The following MARCHF4 variants were observed in gnomAD, a reference collection of about 807,000 sequenced individuals.
The protein encoded by MARCHF4 is membrane associated ring-CH-type finger 4, also known as E3 ubiquitin-protein ligase MARCHF4.
In MARCHF4, 14 loss-of-function variants were observed where a neutral mutation model predicts 43.9. The observed-to-expected ratio is 0.32, with a 90% CI of 0.21 to 0.50. The LOEUF (loss-of-function observed/expected upper bound fraction) is 0.50. Among genes scored for constraint, MARCHF4 ranks in the 20% least tolerant of loss-of-function variants. MARCHF4 has a pLI of 0.98. For synonymous variants in MARCHF4, 226 were observed against 213.3 expected, an observed-to-expected ratio of 1.06 and a Z score of -0.52; for missense variants, 468 against 536.7, an observed-to-expected ratio of 0.87 and a Z score of 1.27.
intron 1 of MARCHF4, among the ~76,000 whole-genome samples, chr2:216,367,143 C>T (rs567751062): frequency 6.6e-6 from 1 of 152,190 alleles, no homozygotes; most frequent in South Asian, 2.1e-4. Context: ...AGGTGGGGGT[C>T]TGCTTAATTC....
intron 1 of MARCHF4, among the ~76,000 whole-genome samples, chr2:216,322,633 C>T (rs1691917910): frequency 6.6e-6 from 1 of 152,160 alleles, no homozygotes; most frequent in African/African-American, 2.4e-5. Context: ...ACCAGCCTGG[C>T]CAACATGGCG....
chr2:216,360,381 A>G (rs999087564), intron 1 of MARCHF4, among the ~76,000 whole-genome samples: 1 of 152,158 alleles, frequency 6.6e-6, no homozygotes, highest in African/African-American at 2.4e-5. Flanking sequence ...CATTTGCCAT[A>G]AAAAGAATAG....
At chr2:216,295,942 T>A (rs1254606032) in intron 1 of MARCHF4, among the ~76,000 whole-genome samples, 2 of 152,104 alleles carry the variant, frequency 1.3e-5, no homozygotes, top group Non-Finnish European at 2.9e-5. Context: ...GGTCAGGAGT[T>A]CGAGACCAGC....
intron 1 of MARCHF4, among the ~76,000 whole-genome samples, chr2:216,294,481 C>T (rs1190927698): frequency 1.3e-5 from 2 of 152,236 alleles, no homozygotes; most frequent in South Asian, 2.1e-4. Context: ...CACTTAGAAA[C>T]ACTTCTGTGT....
At chr2:216,301,298 G>A (rs1691489329) in intron 1 of MARCHF4, among the ~76,000 whole-genome samples, 1 of 152,202 alleles carries the variant, frequency 6.6e-6, no homozygotes, top group Admixed American at 6.5e-5. Context: ...TTCCAGGGCT[G>A]GACTCCAGCC....
At chr2:216,330,208 A>G (rs1047285877) in intron 1 of MARCHF4, among the ~76,000 whole-genome samples, 1 of 152,212 alleles carries the variant, frequency 6.6e-6, no homozygotes, top group South Asian at 2.1e-4. Flanking sequence ...TAATGCTGTA[A>G]TGAATGAATA....
intron 1 of MARCHF4, among the ~76,000 whole-genome samples, chr2:216,336,317 T>C: frequency 6.6e-6 from 1 of 152,142 alleles, no homozygotes; most frequent in East Asian, 1.9e-4. Context: ...GGAAATACAC[T>C]TTTTGAATAT....
intron 3 of MARCHF4, among the ~76,000 whole-genome samples, chr2:216,270,683 A>T (rs1166633371): frequency 6.6e-6 from 1 of 151,898 alleles, no homozygotes; most frequent in Non-Finnish European, 1.5e-5. Flanking sequence ...TTTTGTTGTG[A>T]TGCCTTTGCC....
intron 1 of MARCHF4, chr2:216,318,197 A>G (rs528750130): frequency 6.6e-6 from 1 of 152,242 alleles, no homozygotes; most frequent in African/African-American, 2.4e-5. Context: ...GGTCATCCTT[A>G]AATGAATGTT....
intron 1 of MARCHF4, among the ~76,000 whole-genome samples, chr2:216,286,495 C>T (rs72942618): frequency 0.094 from 14,025 of 149,010 alleles, 889 homozygotes; most frequent in African/African-American, 0.18. Context: ...CAGTGCCAGC[C>T]TGGGCGACAG....
At chr2:216,312,072 G>A (rs1574472447) in intron 1 of MARCHF4, among the ~76,000 whole-genome samples, 1 of 152,282 alleles carries the variant, frequency 6.6e-6, no homozygotes. Context: ...CAGCATATCT[G>A]TTTCTCAAAT....
At chr2:216,354,444 C>T (rs1692451056) in intron 1 of MARCHF4, among the ~76,000 whole-genome samples, 1 of 152,220 alleles carries the variant, frequency 6.6e-6, no homozygotes, top group South Asian at 2.1e-4. Context: ...CTAGTCACCC[C>T]TCCTGTGTGG....
intron 1 of MARCHF4, among the ~76,000 whole-genome samples, chr2:216,333,690 T>C (rs1160375536): frequency 1.3e-5 from 2 of 152,234 alleles, no homozygotes; most frequent in African/African-American, 2.4e-5. Flanking sequence ...TAATCTCTTT[T>C]GAGCCCATTT....
intron 1 of MARCHF4, among the ~76,000 whole-genome samples, chr2:216,365,714 G>A (rs186724455): frequency 1.5e-3 from 222 of 152,230 alleles, no homozygotes; most frequent in African/African-American, 5.2e-3. Context: ...TAGGCACCCC[G>A]CCCACTAGCT....
intron 1 of MARCHF4, among the ~76,000 whole-genome samples, chr2:216,354,932 T>TTTCTTTCTTTCTTTCTTTC (rs1692468079): frequency 1.5e-5 from 2 of 134,590 alleles, no homozygotes; most frequent in African/African-American, 5.8e-5. Context: ...TCTTTCTTTC[T>TTTCTTTCTTTCTTTCTTTC]TTCTTTCTTT....
At chr2:216,273,062 C>A (rs759214352) in intron 3 of MARCHF4, among the ~76,000 whole-genome samples, 1 of 152,218 alleles carries the variant, frequency 6.6e-6, no homozygotes, top group Non-Finnish European at 1.5e-5. Flanking sequence ...CCATGGGCAG[C>A]AAGCAGGCAG....
intron 1 of MARCHF4, among the ~76,000 whole-genome samples, chr2:216,312,641 G>T (rs1456468383): frequency 1.3e-5 from 2 of 152,138 alleles, no homozygotes; most frequent in Non-Finnish European, 2.9e-5. Flanking sequence ...GATGGTTAAT[G>T]ATGTTGAGCA....
intron 1 of MARCHF4, among the ~76,000 whole-genome samples, chr2:216,302,996 A>T (rs564074134): frequency 6.6e-6 from 1 of 152,046 alleles, no homozygotes; most frequent in Admixed American, 6.5e-5. Flanking sequence ...ATCCCCCCAA[A>T]ATCACACCTC....
At chr2:216,299,708 A>G (rs902707610) in intron 1 of MARCHF4, among the ~76,000 whole-genome samples, 1 of 152,224 alleles carries the variant, frequency 6.6e-6, no homozygotes, top group Admixed American at 6.5e-5. Context: ...TCACTTCTGC[A>G]TATGCATTCC....
Sources: allele counts gnomAD v4.1 joint callset (sites outside exome capture counted in the v4.1 genomes callset), GRCh38; gene constraint gnomAD v4.1.1; transcripts MANE v1.5; gene names NCBI Gene and HGNC (gene_info 2026-07-23, HGNC 2026-07-21).